Variants in EFCAB11 observed in about 807,000 individuals in gnomAD.
The protein encoded by EFCAB11 is EF-hand calcium-binding domain-containing protein 11.
EFCAB11 carries 14 observed loss-of-function variants against 23.0 expected under a neutral mutation model. That is an observed-to-expected ratio of 0.61 (90% CI 0.40 to 0.95). The LOEUF is 0.95. Among genes scored for constraint, EFCAB11 ranks in the 40% least tolerant of loss-of-function variants. EFCAB11 has a pLI of 0.00. For synonymous variants in EFCAB11, 65 were observed against 66.6 expected (o/e 0.98, Z 0.11); for missense variants, 198 against 195.8 (o/e 1.01, Z -0.07).
At chr14:89,835,628 G>GTGTGTGTA (rs1438028486) in intron 5 of EFCAB11, among the ~76,000 whole-genome samples, 4 of 149,864 alleles carry the variant, frequency 2.7e-5, no homozygotes, top group African/African-American at 9.9e-5. Flanking sequence ...GTGTGTGTGT[G>GTGTGTGTA]TGTGTGTGTG....
chr14:89,902,170 C>A (rs896360787), intron 5 of EFCAB11, among the ~76,000 whole-genome samples: 3 of 152,110 alleles, frequency 2.0e-5, no homozygotes, highest in Non-Finnish European at 2.9e-5. Context: ...AGGCTTATAC[C>A]CATCTCAGAC....
intron 1 of EFCAB11, 100 bp from the exon 2 acceptor site, chr14:89,954,101 C>T: frequency 4.8e-6 from 5 of 1,032,390 alleles, no homozygotes; most frequent in South Asian, 3.1e-5. Context: ...AAAACTTGGC[C>T]CAGCGGTAGA....
At chr14:89,876,633 A>C (rs1888446991) in intron 5 of EFCAB11, among the ~76,000 whole-genome samples, 2 of 152,158 alleles carry the variant, frequency 1.3e-5, no homozygotes, top group Non-Finnish European at 2.9e-5. Context: ...AAGAAAAAAG[A>C]GGGGGGAAAG....
chr14:89,930,100 T>C (rs1890339015), intron 5 of EFCAB11, among the ~76,000 whole-genome samples: 1 of 152,238 alleles, frequency 6.6e-6, no homozygotes, highest in Non-Finnish European at 1.5e-5. Flanking sequence ...GATTTGCTTT[T>C]ACAAAATCAG....
At chr14:89,837,688 A>G (rs1003531574) in intron 5 of EFCAB11, among the ~76,000 whole-genome samples, 4 of 152,138 alleles carry the variant, frequency 2.6e-5, no homozygotes, top group Non-Finnish European at 5.9e-5. Flanking sequence ...AAAAAACGAT[A>G]ATAAACCCAT....
At chr14:89,864,856 C>T (rs149958937) in intron 5 of EFCAB11, among the ~76,000 whole-genome samples, 5 of 152,194 alleles carry the variant, frequency 3.3e-5, no homozygotes, top group Admixed American at 1.3e-4. Context: ...TCTTGGTCTC[C>T]AGGGTCCCTG....
intron 5 of EFCAB11, among the ~76,000 whole-genome samples, chr14:89,895,178 G>C (rs567850261): frequency 1.2e-4 from 18 of 152,272 alleles, no homozygotes; most frequent in African/African-American, 3.6e-4. Context: ...AAACCAATGT[G>C]ATTATGATGG....
chr14:89,864,441 TTCAGATGGGGTCTCAC>T (rs1888024164), intron 5 of EFCAB11, among the ~76,000 whole-genome samples: 1 of 152,118 alleles, frequency 6.6e-6, no homozygotes, highest in South Asian at 2.1e-4. Flanking sequence ...TCCTTTTTTT[TTCAGATGGGGTCTCAC>T]TCTGTTACAC....
intron 5 of EFCAB11, among the ~76,000 whole-genome samples, chr14:89,911,524 A>C (rs1889677083): frequency 6.6e-6 from 1 of 152,252 alleles, no homozygotes; most frequent in South Asian, 2.1e-4. Flanking sequence ...ATCCAGGTCA[A>C]AGATGAGAAA....
chr14:89,814,177 AG>A (rs1468068456), intron 5 of EFCAB11, among the ~76,000 whole-genome samples: 1 of 151,874 alleles, frequency 6.6e-6, no homozygotes, highest in Non-Finnish European at 1.5e-5. Context: ...AGCACTGTAC[AG>A]AACAAATGTC....
intron 5 of EFCAB11, among the ~76,000 whole-genome samples, chr14:89,904,798 C>T (rs1475484446): frequency 6.6e-6 from 1 of 152,074 alleles, no homozygotes; most frequent in African/African-American, 2.4e-5. Context: ...CTGTTCATAT[C>T]CTTTGCCCAC....
chr14:89,840,251 G>A (rs1887216841), intron 5 of EFCAB11, among the ~76,000 whole-genome samples: 1 of 152,196 alleles, frequency 6.6e-6, no homozygotes, highest in Non-Finnish European at 1.5e-5. Flanking sequence ...ATATTTAGTA[G>A]AGGGCTATAA....
chr14:89,803,780 G>A (rs934558401), intron 5 of EFCAB11, among the ~76,000 whole-genome samples: 4 of 152,152 alleles, frequency 2.6e-5, no homozygotes, highest in Admixed American at 1.3e-4. Context: ...AGCCTCTCCC[G>A]CAAGCAGCCT....
intron 5 of EFCAB11, among the ~76,000 whole-genome samples, chr14:89,836,005 G>A (rs964337744): frequency 3.9e-5 from 6 of 152,132 alleles, no homozygotes; most frequent in Admixed American, 3.3e-4. Flanking sequence ...TTGGCCCAGG[G>A]CTAAGATTTT....
chr14:89,829,869 G>T (rs982436956), intron 5 of EFCAB11: 34 of 152,154 alleles, frequency 2.2e-4, no homozygotes, highest in African/African-American at 6.5e-4. Flanking sequence ...AAAATCCATG[G>T]ATCTAGGATC....
At chr14:89,912,787 G>C (rs1889720251) in intron 5 of EFCAB11, among the ~76,000 whole-genome samples, 1 of 152,194 alleles carries the variant, frequency 6.6e-6, no homozygotes, top group African/African-American at 2.4e-5. Context: ...ACTACTGCAG[G>C]CATCACCAGG....
chr14:89,893,530 C>CT (rs1183720717), intron 5 of EFCAB11, among the ~76,000 whole-genome samples: 1 of 152,076 alleles, frequency 6.6e-6, no homozygotes, highest in East Asian at 1.9e-4. Flanking sequence ...GGGAAAGGCC[C>CT]TCCCTTCAGG....
At chr14:89,829,261 T>G (rs1359028192) in intron 5 of EFCAB11, among the ~76,000 whole-genome samples, 1 of 152,228 alleles carries the variant, frequency 6.6e-6, no homozygotes, top group East Asian at 1.9e-4. Flanking sequence ...TATGTTTTGT[T>G]TCTCTCATGA....
intron 5 of EFCAB11, among the ~76,000 whole-genome samples, chr14:89,837,694 C>A (rs1887128730): frequency 6.6e-6 from 1 of 152,022 alleles, no homozygotes; most frequent in Non-Finnish European, 1.5e-5. Flanking sequence ...CGATAATAAA[C>A]CCATGCTGGT....
Sources: gnomAD v4.1 joint callset for allele counts (sites outside exome capture counted in the v4.1 genomes callset) on GRCh38, gnomAD v4.1.1 for gene constraint, MANE v1.5 for transcripts, NCBI Gene and HGNC (gene_info 2026-07-23, HGNC 2026-07-21) for gene names.